The following GUCY1A2 variants were observed in gnomAD, a reference collection of about 807,000 sequenced individuals.
GUCY1A2 encodes guanylate cyclase soluble subunit alpha-2.
A neutral mutation model predicts 63.5 loss-of-function variants in GUCY1A2; 27 were observed. The observed-to-expected ratio is 0.43, with a 90% CI of 0.31 to 0.59. The LOEUF (loss-of-function observed/expected upper bound fraction) is 0.59. GUCY1A2 is among the 20% of genes least tolerant of loss of function. The pLI is 0.11. For synonymous variants in GUCY1A2, 364 were observed against 343.5 expected, an observed-to-expected ratio of 1.06 and a Z score of -0.66; for missense variants, 768 against 913.3, an observed-to-expected ratio of 0.84 and a Z score of 2.05.
At chr11:106,930,082 A>T (rs963828798) in intron 4 of GUCY1A2, among the ~76,000 whole-genome samples, 1 of 152,258 alleles carries the variant, frequency 6.6e-6, no homozygotes, top group Non-Finnish European at 1.5e-5. Flanking sequence ...ACTAAGGATT[A>T]AAAATGAGAA....
intron 1 of GUCY1A2, among the ~76,000 whole-genome samples, chr11:107,012,646 T>C (rs888184853): frequency 4.6e-5 from 7 of 152,212 alleles, no homozygotes; most frequent in African/African-American, 1.7e-4. Flanking sequence ...CTCTGTCATG[T>C]TGTTTCTAAA....
At chr11:106,749,901 A>G (rs1863854250) in intron 6 of GUCY1A2, among the ~76,000 whole-genome samples, 1 of 152,078 alleles carries the variant, frequency 6.6e-6, no homozygotes, top group African/African-American at 2.4e-5. Flanking sequence ...AGTAAATATG[A>G]TTGTATTAGG....
intron 6 of GUCY1A2, among the ~76,000 whole-genome samples, chr11:106,712,841 G>C (rs936909444): frequency 6.6e-6 from 1 of 152,144 alleles, no homozygotes; most frequent in Non-Finnish European, 1.5e-5. Flanking sequence ...CTGTATAAGT[G>C]CTAGGTGCTT....
At chr11:106,866,582 T>A (rs1205642783) in intron 4 of GUCY1A2, among the ~76,000 whole-genome samples, 2 of 152,092 alleles carry the variant, frequency 1.3e-5, no homozygotes, top group Non-Finnish European at 2.9e-5. Flanking sequence ...TTGGTCCTTC[T>A]ATGTTCAGTT....
intron 4 of GUCY1A2, among the ~76,000 whole-genome samples, chr11:106,896,117 C>T (rs1195312632): frequency 1.3e-5 from 2 of 151,320 alleles, no homozygotes; most frequent in African/African-American, 4.9e-5. Context: ...TGTAAGTATA[C>T]ACCACAACCA....
intron 1 of GUCY1A2, among the ~76,000 whole-genome samples, chr11:106,989,693 A>C (rs1861446878): frequency 6.6e-6 from 1 of 152,190 alleles, no homozygotes; most frequent in Admixed American, 6.5e-5. Context: ...CATTATGAGA[A>C]GTTGACACCA....
intron 4 of GUCY1A2, chr11:106,824,701 C>T: frequency 1.8e-6 from 2 of 1,105,398 alleles, no homozygotes; most frequent in South Asian, 3.5e-5. Context: ...ACTTAAAAAG[C>T]CAACTGATAC....
chr11:106,704,910 T>C (rs1486664756), intron 7 of GUCY1A2, among the ~76,000 whole-genome samples: 2 of 150,488 alleles, frequency 1.3e-5, no homozygotes, highest in Non-Finnish European at 3.0e-5. Context: ...TATGCACTAT[T>C]TAAAGTGCAT....
At chr11:106,854,973 C>G (rs1005563764) in intron 4 of GUCY1A2, among the ~76,000 whole-genome samples, 8 of 152,154 alleles carry the variant, frequency 5.3e-5, no homozygotes, top group African/African-American at 1.9e-4. Context: ...CCAGATTTAG[C>G]TGTCATTGTG....
At chr11:106,957,900 AGGT>A (rs2120051792) in intron 3 of GUCY1A2, among the ~76,000 whole-genome samples, 1 of 128,922 alleles carries the variant, frequency 7.8e-6, no homozygotes, top group African/African-American at 2.9e-5. Flanking sequence ...CAGAAAAAAA[AGGT>A]GTTGTGGTAA....
At chr11:106,785,751 A>G (rs1864544162) in intron 5 of GUCY1A2, among the ~76,000 whole-genome samples, 1 of 152,154 alleles carries the variant, frequency 6.6e-6, no homozygotes, top group Non-Finnish European at 1.5e-5. Flanking sequence ...CTGAATCAAA[A>G]TATGGATATA....
At chr11:106,993,665 C>CG (rs1360502754) in intron 1 of GUCY1A2, among the ~76,000 whole-genome samples, 13 of 151,822 alleles carry the variant, frequency 8.6e-5, no homozygotes, top group Non-Finnish European at 1.8e-4. Flanking sequence ...TGAAAGTCCT[C>CG]GGGGGAAAAA....
chr11:106,778,144 C>G (rs562350325), intron 5 of GUCY1A2, among the ~76,000 whole-genome samples: 2 of 152,266 alleles, frequency 1.3e-5, no homozygotes, highest in African/African-American at 2.4e-5. Context: ...ACTGCAATTA[C>G]TTTTGCACCA....
intron 4 of GUCY1A2, among the ~76,000 whole-genome samples, chr11:106,932,229 CTTG>C (rs1183435728): frequency 6.6e-6 from 1 of 152,032 alleles, no homozygotes; most frequent in African/African-American, 2.4e-5. Context: ...TACAATATTT[CTTG>C]TTAACAAAAA....
intron 4 of GUCY1A2, chr11:106,827,446 A>G: frequency 6.9e-7 from 1 of 1,444,900 alleles, no homozygotes; most frequent in Non-Finnish European, 9.7e-7. Flanking sequence ...TAAGATCATT[A>G]TTCTTTTAGC....
At chr11:106,914,872 A>G (rs1384293619) in intron 4 of GUCY1A2, among the ~76,000 whole-genome samples, 1 of 152,106 alleles carries the variant, frequency 6.6e-6, no homozygotes, top group Non-Finnish European at 1.5e-5. Flanking sequence ...TCCATCTTCC[A>G]ACAAGAAAAA....
chr11:106,711,375 A>T (rs1863115797), intron 6 of GUCY1A2, among the ~76,000 whole-genome samples: 1 of 152,208 alleles, frequency 6.6e-6, no homozygotes, highest in Admixed American at 6.5e-5. Context: ...AGCTTTAAAA[A>T]TAATTGTATT....
At chr11:106,914,512 A>G (rs1860342205) in intron 4 of GUCY1A2, among the ~76,000 whole-genome samples, 1 of 152,122 alleles carries the variant, frequency 6.6e-6, no homozygotes, top group South Asian at 2.1e-4. Context: ...TATTTTAAGA[A>G]TGTCACTAGC....
intron 4 of GUCY1A2, among the ~76,000 whole-genome samples, chr11:106,833,928 T>C (rs1044873726): frequency 1.3e-5 from 2 of 152,122 alleles, no homozygotes; most frequent in African/African-American, 4.8e-5. Flanking sequence ...TTTTCAGCCT[T>C]ATTAAGGTAC....
Sources: gnomAD v4.1 joint callset for allele counts (sites outside exome capture counted in the v4.1 genomes callset) on GRCh38, gnomAD v4.1.1 for gene constraint, MANE v1.5 for transcripts, NCBI Gene and HGNC (gene_info 2026-07-23, HGNC 2026-07-21) for gene names.